The following KCTD16 variants were observed in gnomAD, a reference collection of about 807,000 sequenced individuals.
KCTD16 encodes the protein BTB/POZ domain-containing protein KCTD16.
Under a neutral mutation model 33.2 loss-of-function variants are expected in KCTD16, and 13 were observed. That is an observed-to-expected ratio of 0.39 (90% CI 0.25 to 0.62). KCTD16 has a LOEUF of 0.62. Ranked by LOEUF, KCTD16 falls within the 20% of genes least tolerant of loss-of-function variation. The pLI is 0.50. For synonymous variants in KCTD16, 197 were observed against 195.3 expected, an observed-to-expected ratio of 1.01 and a Z score of -0.07; for missense variants, 441 against 525.1, an observed-to-expected ratio of 0.84 and a Z score of 1.57.
At chr5:144,181,492 TC>T (rs201510241) in intron 2 of KCTD16, among the ~76,000 whole-genome samples, 2,168 of 152,308 alleles carry the variant, frequency 0.014, 21 homozygotes, top group Non-Finnish European at 0.024. Context: ...GCAGCATTTT[TC>T]AAAATAGCTA....
chr5:144,327,588 C>T (rs571960791), intron 3 of KCTD16, among the ~76,000 whole-genome samples: 2 of 152,114 alleles, frequency 1.3e-5, no homozygotes, highest in Non-Finnish European at 2.9e-5. Context: ...TCACTGTTAA[C>T]AGTTTCTTGT....
chr5:144,234,516 A>C (rs1754195935), intron 3 of KCTD16, among the ~76,000 whole-genome samples: 1 of 152,126 alleles, frequency 6.6e-6, no homozygotes, highest in Admixed American at 6.6e-5. Context: ...GAACAAGTGA[A>C]CACAGTGGCT....
At chr5:144,316,370 A>G (rs1751912392) in intron 3 of KCTD16, among the ~76,000 whole-genome samples, 1 of 152,168 alleles carries the variant, frequency 6.6e-6, no homozygotes, top group Admixed American at 6.5e-5. Context: ...GCATGTGAAG[A>G]GGCATCCATG....
At chr5:144,212,838 T>C (rs1330194468) in intron 3 of KCTD16, among the ~76,000 whole-genome samples, 1 of 152,184 alleles carries the variant, frequency 6.6e-6, no homozygotes, top group East Asian at 1.9e-4. Context: ...GATAATGGCA[T>C]AATGAACTTT....
intron 3 of KCTD16, among the ~76,000 whole-genome samples, chr5:144,237,692 G>A (rs938063715): frequency 2.6e-5 from 4 of 152,044 alleles, no homozygotes; most frequent in African/African-American, 7.2e-5. Flanking sequence ...AGTCCACGTC[G>A]TTGATTAGTC....
chr5:144,389,324 G>T (rs1042795820), intron 3 of KCTD16, among the ~76,000 whole-genome samples: 6 of 152,110 alleles, frequency 3.9e-5, no homozygotes, highest in African/African-American at 1.2e-4. Flanking sequence ...GTTTACAGCT[G>T]CTCCCCATCA....
chr5:144,400,566 C>T (rs1275308173), intron 3 of KCTD16, among the ~76,000 whole-genome samples: 1 of 152,116 alleles, frequency 6.6e-6, no homozygotes, highest in Non-Finnish European at 1.5e-5. Flanking sequence ...TAGAACATTT[C>T]ATGTGGAAGG....
chr5:144,326,171 A>G (rs1360641673), intron 3 of KCTD16, among the ~76,000 whole-genome samples: 1 of 152,154 alleles, frequency 6.6e-6, no homozygotes, highest in Non-Finnish European at 1.5e-5. Context: ...AAGACATCAA[A>G]ATGAAACAAA....
intron 3 of KCTD16, among the ~76,000 whole-genome samples, chr5:144,411,843 T>TA (rs201937356): frequency 1.5e-4 from 23 of 150,492 alleles, no homozygotes; most frequent in South Asian, 1.5e-3. Context: ...ATAGCAAAAA[T>TA]AAAAAAAAAT....
At chr5:144,237,594 G>A (rs1417213444) in intron 3 of KCTD16, among the ~76,000 whole-genome samples, 1 of 151,956 alleles carries the variant, frequency 6.6e-6, no homozygotes, top group Non-Finnish European at 1.5e-5. Flanking sequence ...TATTGACACA[G>A]ATTATTTTCC....
chr5:144,213,387 C>G (rs1753459680), intron 3 of KCTD16, among the ~76,000 whole-genome samples: 1 of 150,392 alleles, frequency 6.6e-6, no homozygotes, highest in South Asian at 2.1e-4. Flanking sequence ...CTCTTTCTTT[C>G]TTTCTTTCTC....
chr5:144,311,465 C>A (rs750949704), intron 3 of KCTD16, among the ~76,000 whole-genome samples: 2 of 152,012 alleles, frequency 1.3e-5, no homozygotes, highest in African/African-American at 4.8e-5. Context: ...ATGCTGAAAA[C>A]GTAATTAGAA....
chr5:144,320,202 T>G (rs1271665355), intron 3 of KCTD16, among the ~76,000 whole-genome samples: 1 of 152,180 alleles, frequency 6.6e-6, no homozygotes, highest in Non-Finnish European at 1.5e-5. Context: ...GCAATTATAA[T>G]CTTTTAAAAT....
intron 2 of KCTD16, among the ~76,000 whole-genome samples, chr5:144,204,759 A>G (rs1753121862): frequency 1.3e-5 from 2 of 152,096 alleles, no homozygotes; most frequent in African/African-American, 4.8e-5. Flanking sequence ...GTGTTTATGT[A>G]TCTACCTATT....
At chr5:144,469,939 C>G (rs1049125657) in intron 3 of KCTD16, among the ~76,000 whole-genome samples, 2 of 150,682 alleles carry the variant, frequency 1.3e-5, no homozygotes, top group African/African-American at 4.9e-5. Flanking sequence ...TAATAACTCC[C>G]CAAACAGGCA....
At chr5:144,370,874 C>T (rs1421722557) in intron 3 of KCTD16, among the ~76,000 whole-genome samples, 2 of 152,026 alleles carry the variant, frequency 1.3e-5, no homozygotes, top group East Asian at 3.9e-4. Context: ...ACTCCATTAA[C>T]CATCAATCAC....
At chr5:144,451,043 T>C (rs1753929996) in intron 3 of KCTD16, among the ~76,000 whole-genome samples, 1 of 152,124 alleles carries the variant, frequency 6.6e-6, no homozygotes, top group South Asian at 2.1e-4. Context: ...ATCTTGCTTG[T>C]GGTTTGTGGT....
intron 1 of KCTD16, among the ~76,000 whole-genome samples, chr5:144,173,650 A>C (rs917812908): frequency 1.3e-5 from 2 of 152,182 alleles, no homozygotes; most frequent in African/African-American, 4.8e-5. Flanking sequence ...TTAGGAATGA[A>C]TTATTAGATA....
At chr5:144,306,920 A>G (rs906393993) in intron 3 of KCTD16, among the ~76,000 whole-genome samples, 1 of 152,206 alleles carries the variant, frequency 6.6e-6, no homozygotes, top group Non-Finnish European at 1.5e-5. Flanking sequence ...ACATACCAGA[A>G]CCAAAGAAAA....
Sources: allele counts gnomAD v4.1 joint callset (sites outside exome capture counted in the v4.1 genomes callset), GRCh38; gene constraint gnomAD v4.1.1; transcripts MANE v1.5; gene names NCBI Gene and HGNC (gene_info 2026-07-23, HGNC 2026-07-21).